ACSS3: variants seen among roughly 807,000 people sequenced by gnomAD.
The protein encoded by ACSS3 is acyl-CoA synthetase short-chain family member 3, mitochondrial.
ACSS3 carries 64 observed loss-of-function variants against 84.2 expected under a neutral mutation model. That is an observed-to-expected ratio of 0.76 (90% confidence interval 0.62 to 0.94). The LOEUF (loss-of-function observed/expected upper bound fraction) is 0.94. ACSS3 is among the 40% of genes least tolerant of loss of function. The pLI is 0.00. For missense variants in ACSS3, 815 were observed against 867.6 expected, an observed-to-expected ratio of 0.94 and a Z score of 0.76; for synonymous variants, 317 against 310.1, an observed-to-expected ratio of 1.02 and a Z score of -0.23.
chr12:81,123,870 G>A (rs377496158), intron 2 of ACSS3, among the ~76,000 whole-genome samples: 26 of 152,226 alleles, frequency 1.7e-4, no homozygotes, highest in African/African-American at 6.3e-4. Context: ...TCCACCATTG[G>A]TGGGTATCTA....
chr12:81,120,856 T>C (rs76773306), intron 2 of ACSS3, among the ~76,000 whole-genome samples: 5,928 of 152,310 alleles, frequency 0.039, 155 homozygotes, highest in East Asian at 0.13. Flanking sequence ...TTCATTTCCA[T>C]TACAAAGCTG....
intron 7 of ACSS3, among the ~76,000 whole-genome samples, chr12:81,155,645 T>C (rs1886826325): frequency 6.6e-6 from 1 of 152,254 alleles, no homozygotes; most frequent in Admixed American, 6.5e-5. Context: ...TTGAATCTAC[T>C]TATTCAGTAC....
At chr12:81,155,736 G>T (rs1335486395) in intron 7 of ACSS3, among the ~76,000 whole-genome samples, 1 of 152,126 alleles carries the variant, frequency 6.6e-6, no homozygotes. Flanking sequence ...AATATGTCAT[G>T]TTGACTTATG....
rs971167295 is a variant in ACSS3 at position 81,200,797 on chromosome 12, A to G, written c.1354+1353A>G. Among the ~76,000 whole-genome samples, 7 of 150,960 alleles carry G rather than the reference A, an allele frequency of 4.6e-5. 1 individual carries two copies. Among genetic ancestry groups the G allele is most frequent in the African/African-American group, 9.7e-5 (4 of 41,054 alleles). On this transcript the variant is annotated intron_variant, in intron 9 of 15. Transcript: ENST00000548058. ...GTGCCTGTAATCTCAGCTACTCGGG[A>G]GGCAGAGAATTGCTTGAACCCAGGA...
At chr12:81,162,759 C>G (rs983936749) in intron 7 of ACSS3, among the ~76,000 whole-genome samples, 2 of 152,064 alleles carry the variant, frequency 1.3e-5, no homozygotes, top group East Asian at 3.9e-4. Flanking sequence ...ATCCTCAGCC[C>G]CCTTTGATCC....
At chr12:81,187,701 T>A (rs1246704327) in intron 8 of ACSS3, among the ~76,000 whole-genome samples, 2 of 151,976 alleles carry the variant, frequency 1.3e-5, no homozygotes, top group Non-Finnish European at 2.9e-5. Context: ...AAAAAAGCAT[T>A]ACCTCTATCT....
intron 1 of ACSS3, among the ~76,000 whole-genome samples, chr12:81,083,760 A>G (rs1365713970): frequency 6.6e-6 from 1 of 151,946 alleles, no homozygotes; most frequent in Non-Finnish European, 1.5e-5. Flanking sequence ...TGACGACGTC[A>G]GGAGATCCAG....
chr12:81,246,913 C>T (rs2034001464), intron 13 of ACSS3, among the ~76,000 whole-genome samples: 1 of 152,018 alleles, frequency 6.6e-6, no homozygotes, highest in Non-Finnish European at 1.5e-5. Context: ...AGCAAACGTG[C>T]TTATGTACCC....
rs755000712 is a variant in ACSS3, at chr12:81,216,977, A to C, written c.1431A>C (p.Lys477Asn). The C allele has an allele frequency of 6.2e-7, 1 of 1,610,774 alleles. No individual in the cohort carries two copies. Among genetic ancestry groups the C allele is most frequent in the Non-Finnish European group, 8.5e-7 (1 of 1,177,558 alleles). ...CACCTCCACCAGGGCAAGCAGGAAAAAGCGTCCCAGGATACAATGGTAAGG... is the reference window on the plus strand; with the variant it reads ...CACCTCCACCAGGGCAAGCAGGAAACAGCGTCCCAGGATACAATGGTAAGG... ...SKTPPPGQAG[K>N]SVPGYNVMIL... Residue 477 changes from lysine to asparagine, a missense_variant, in exon 10 of 16, where the codon AAA becomes AAC. Coordinates refer to ENST00000548058, the MANE Select transcript of ACSS3 (RefSeq NM_024560.4).
intron 1 of ACSS3, among the ~76,000 whole-genome samples, chr12:81,081,441 G>A (rs912988401): frequency 2.6e-5 from 4 of 152,112 alleles, no homozygotes; most frequent in African/African-American, 9.7e-5. Flanking sequence ...CTGGCTCTTT[G>A]GGTAATAAAG....
chr12:81,143,137 C>T lies in ACSS3; in HGVS notation c.811C>T (p.Leu271Phe). 2 of 1,613,446 alleles carry T rather than the reference C, an allele frequency of 1.2e-6. No homozygotes were observed. Among genetic ancestry groups the T allele is most frequent in the Non-Finnish European group, 1.7e-6 (2 of 1,179,574 alleles). ...GGTTCCTTTGGCTCCCGGTCGTGACCTTGATTGGGATGAAGAGATGGCAAA... is the reference window on the plus strand; with the variant it reads ...GGTTCCTTTGGCTCCCGGTCGTGACTTTGATTGGGATGAAGAGATGGCAAA... ...EAVPLAPGRD[L>F]DWDEEMAKAQ... The change falls in exon 5 of 16, where the codon CTT becomes TTT. Residue 271 changes from leucine to phenylalanine, a missense_variant. Leu to Phe is a conservative substitution (Grantham distance 22). Coordinates refer to ENST00000548058, the MANE Select transcript of ACSS3 (RefSeq NM_024560.4).
chr12:81,239,443 A>C (rs920878973), intron 13 of ACSS3, among the ~76,000 whole-genome samples: 2 of 151,992 alleles, frequency 1.3e-5, no homozygotes, highest in Non-Finnish European at 2.9e-5. Flanking sequence ...CTGTTCTCAC[A>C]CTGCTAGTAA....
In ACSS3 at chr12:81,139,094, T is replaced by A. The variant is rs141894169; in HGVS notation, c.646-37T>A. On this transcript the variant is annotated intron_variant, in intron 3 of 15. Coordinates refer to ENST00000548058, the MANE Select transcript of ACSS3 (RefSeq NM_024560.4). Reference sequence around the variant, plus strand: ...TATTGTGATTACCTAATTAACATTGTTAAAGCTTTCTCTCCATTATTATTT... The same window carrying A: ...TATTGTGATTACCTAATTAACATTGATAAAGCTTTCTCTCCATTATTATTT... The A allele has an allele frequency of 7.7e-5, 123 of 1,597,554 alleles. 1 individual carries two copies. In the Middle Eastern group the frequency reaches 1.5e-3, roughly 20 times the overall value.
Position 81,260,423 on chromosome 12 carries a change from T to C in ACSS3, c.*5501T>C, listed in dbSNP as rs939500773. 1 of 152,198 alleles carries C rather than the reference T, an allele frequency of 6.6e-6. No individual in the cohort carries two copies. The highest frequency in any genetic ancestry group is 2.4e-5 in the African/African-American group (1 of 41,454). 9.4% of individuals were successfully genotyped at this position (152,198 alleles called of 1,614,324 possible). A position where few individuals can be genotyped will look rare whatever the true frequency, so the allele number is the denominator to read the frequency against. On this transcript the variant is annotated 3_prime_UTR_variant, in exon 16 of 16. Coordinates refer to ENST00000548058, the MANE Select transcript of ACSS3 (RefSeq NM_024560.4). Reference sequence around the variant, plus strand: ...CACTATTGAACATATTAAATAGTCATTTGTAAATTAGTGAAGTGTTCATTT... The same window carrying C: ...CACTATTGAACATATTAAATAGTCACTTGTAAATTAGTGAAGTGTTCATTT...
At chr12:81,112,826 T>A (rs1160890062) in intron 2 of ACSS3, among the ~76,000 whole-genome samples, 1 of 152,200 alleles carries the variant, frequency 6.6e-6, no homozygotes, top group Non-Finnish European at 1.5e-5. Context: ...TCTGGCTAGA[T>A]AATACTTGAT....
At chr12:81,089,698 G>T (rs777912864) in intron 1 of ACSS3, among the ~76,000 whole-genome samples, 2 of 152,042 alleles carry the variant, frequency 1.3e-5, no homozygotes, top group South Asian at 2.1e-4. Context: ...CGTCAATAAT[G>T]ATAATGGTGA....
In ACSS3 at chr12:81,192,055, G is replaced by A. The variant is rs1001234626; in HGVS notation, c.1251-7286G>A. Among the ~76,000 whole-genome samples, 10 of 151,984 alleles carry A rather than the reference G, an allele frequency of 6.6e-5. No homozygotes were observed. In the South Asian group the frequency reaches 8.3e-4, roughly 13 times the overall value. On this transcript the variant is annotated intron_variant, in intron 8 of 15. Coordinates refer to ENST00000548058, the MANE Select transcript of ACSS3 (RefSeq NM_024560.4). ...TTTCTTTTGAGAGTTTAATCATATG[G>A]TCTTGTCTTCCATTATATCACTGTT...
At chr12:81,150,536 G>A (rs1300540299) in intron 5 of ACSS3, among the ~76,000 whole-genome samples, 2 of 152,188 alleles carry the variant, frequency 1.3e-5, no homozygotes, top group African/African-American at 4.8e-5. Context: ...CCTACTGGCA[G>A]GGGGCTTAGA....
At chr12:81,248,806 T>TATC (rs1160640005) in intron 13 of ACSS3, among the ~76,000 whole-genome samples, 1 of 151,948 alleles carries the variant, frequency 6.6e-6, no homozygotes, top group Non-Finnish European at 1.5e-5. Context: ...TGTAACAAAA[T>TATC]ATCACATGTA....
Sources: allele counts gnomAD v4.1 joint callset (sites outside exome capture counted in the v4.1 genomes callset), GRCh38; gene constraint gnomAD v4.1.1; transcripts MANE v1.5; gene names NCBI Gene and HGNC (gene_info 2026-07-23, HGNC 2026-07-21).